Variants in PLD5 observed in about 807,000 individuals in gnomAD.
The protein encoded by PLD5 is phospholipase D family member 5.
A neutral mutation model predicts 61.1 loss-of-function variants in PLD5; 36 were observed. The ratio of observed to expected loss-of-function variants is 0.59; its 90% CI spans 0.45 to 0.78. PLD5 has a LOEUF of 0.78. Ranked by LOEUF, PLD5 falls within the 30% of genes least tolerant of loss-of-function variation. The pLI is 0.00. For synonymous variants in PLD5, 243 were observed against 242.8 expected (o/e 1.00, Z -0.01); for missense variants, 515 against 644.4 (o/e 0.80, Z 2.17).
chr1:242,306,813 C>CT (rs34920004), intron 2 of PLD5, among the ~76,000 whole-genome samples: 137,499 of 150,600 alleles, frequency 0.91, 62,681 homozygotes, highest in East Asian at 0.95. Flanking sequence ...CAAACAAACT[C>CT]TTTGTAGGTA....
chr1:242,221,108 T>A (rs1162462329), intron 4 of PLD5, among the ~76,000 whole-genome samples: 2 of 152,230 alleles, frequency 1.3e-5, no homozygotes, highest in African/African-American at 4.8e-5. Flanking sequence ...CTATTGTTAA[T>A]GCCAAAAATA....
intron 1 of PLD5, among the ~76,000 whole-genome samples, chr1:242,445,795 AT>A (rs896341851): frequency 7.3e-5 from 11 of 150,664 alleles, no homozygotes; most frequent in Non-Finnish European, 1.5e-4. Flanking sequence ...CTTGCTTCAA[AT>A]GCCAGGGTCA....
At chr1:242,296,713 AT>A (rs995225311) in intron 2 of PLD5, among the ~76,000 whole-genome samples, 16 of 149,982 alleles carry the variant, frequency 1.1e-4, no homozygotes, top group Middle Eastern at 3.5e-3. Context: ...TATGCTGATT[AT>A]TTTTTTTTTA....
chr1:242,524,354 G>T lies in PLD5; in HGVS notation c.-78C>A. ...GGGGAGCCGGGCGCGGAGGGCGAGC[G>T]GGAGGCCCAGCGGGAGCCGGAGGTG... On this transcript the variant is annotated 5_prime_UTR_variant, in exon 1 of 10. Transcript: ENST00000536534. 4 of 1,290,518 alleles carry T rather than the reference G, an allele frequency of 3.1e-6. No individual in the cohort carries two copies. Among genetic ancestry groups the T allele is most frequent in the Non-Finnish European group, 4.0e-6 (4 of 1,006,120 alleles). 79.9% of individuals were successfully genotyped at this position (1,290,518 alleles called of 1,614,324 possible). A position where few individuals can be genotyped will look rare whatever the true frequency, so the allele number is the denominator to read the frequency against.
rs1158650607 is a variant in PLD5, at chr1:242,091,809, T to TTTTTC, written c.1355-1704_1355-1700dup. On this transcript the variant is annotated intron_variant, in intron 9 of 9. Transcript: ENST00000536534. ...CTGTAGCTGAGTAGCTTTATTCTTC[T>TTTTTC]TTTTCTTTTCTTTTCTTTTTTTCTT... is the stretch of plus-strand genomic sequence containing the variant. Among the ~76,000 whole-genome samples the TTTTTC allele has an allele frequency of 1.1e-4, 17 of 148,082 alleles. No homozygotes were observed. In the East Asian group the frequency reaches 2.9e-3, roughly 26 times the overall value.
intron 9 of PLD5, among the ~76,000 whole-genome samples, chr1:242,092,502 G>A (rs969618952): frequency 4.6e-5 from 7 of 152,068 alleles, no homozygotes; most frequent in East Asian, 3.9e-4. Context: ...AATTATCTTC[G>A]AAATTACCAC....
intron 1 of PLD5, among the ~76,000 whole-genome samples, chr1:242,507,229 C>G (rs1050515893): frequency 6.6e-6 from 1 of 152,130 alleles, no homozygotes; most frequent in African/African-American, 2.4e-5. Context: ...AACAGCAGGC[C>G]TTTGGCATTT....
intron 3 of PLD5, among the ~76,000 whole-genome samples, chr1:242,287,558 A>G (rs1558432126): frequency 6.6e-6 from 1 of 152,136 alleles, no homozygotes; most frequent in Non-Finnish European, 1.5e-5. Flanking sequence ...CAAAGTACCA[A>G]TGAGATCATG....
At chr1:242,107,595 C>T (rs959539629) in intron 8 of PLD5, 76 bp downstream of exon 8, 26 of 1,342,898 alleles carry the variant, frequency 1.9e-5, no homozygotes, top group South Asian at 4.7e-5. Flanking sequence ...TACACATAGG[C>T]GTATGCTTGC....
rs1461875319 is a variant in PLD5, at chr1:242,464,657, G to C, written c.189+59431C>G. 2.0e-5 allele frequency among the ~76,000 whole-genome samples: 3 copies of C among 152,032 alleles called. 1 individual carries two copies. Among genetic ancestry groups the C allele is most frequent in the African/African-American group, 7.2e-5 (3 of 41,390 alleles). ...AAGTAATCCAGCAATTCCAACTCTAGGTATATACCCCAAAGAACTGAAAAC... is the reference window on the plus strand; with the variant it reads ...AAGTAATCCAGCAATTCCAACTCTACGTATATACCCCAAAGAACTGAAAAC... On this transcript the variant is annotated intron_variant, in intron 1 of 9. Coordinates refer to ENST00000536534, the MANE Select transcript of PLD5 (RefSeq NM_001372062.1).
At chr1:242,417,866 T>C (rs2149295158) in intron 1 of PLD5, among the ~76,000 whole-genome samples, 1 of 152,262 alleles carries the variant, frequency 6.6e-6, no homozygotes, top group African/African-American at 2.4e-5. Flanking sequence ...AGTAAGAGGC[T>C]CCTGCAGGAC....
intron 1 of PLD5, among the ~76,000 whole-genome samples, chr1:242,469,062 C>T (rs912362428): frequency 5.3e-5 from 8 of 152,204 alleles, no homozygotes; most frequent in African/African-American, 1.4e-4. Flanking sequence ...TAGCTGCAAA[C>T]TGCTTAAGAG....
At chr1:242,189,811 T>C (rs1668134297) in intron 5 of PLD5, among the ~76,000 whole-genome samples, 1 of 152,122 alleles carries the variant, frequency 6.6e-6, no homozygotes, top group African/African-American at 2.4e-5. Flanking sequence ...AGAAGAACTA[T>C]GCCAGCAGGA....
Position 242,375,247 on chromosome 1 carries a change from C to T in PLD5, c.190-27005G>A, listed in dbSNP as rs564058217. ...AATGGTGCTATTCTGGCAGCTATAC[C>T]TTGGATGCCACTGTGCAGTCAGTCA... On this transcript the variant is annotated intron_variant, in intron 1 of 9. Coordinates refer to ENST00000536534, the MANE Select transcript of PLD5 (RefSeq NM_001372062.1). 3.9e-5 allele frequency among the ~76,000 whole-genome samples: 6 copies of T among 152,290 alleles called. No individual in the cohort carries two copies. The South Asian group carries it at 1.2e-3, about 32-fold the overall frequency.
At chr1:242,166,582 T>G (rs1666321811) in intron 5 of PLD5, among the ~76,000 whole-genome samples, 1 of 152,242 alleles carries the variant, frequency 6.6e-6, no homozygotes, top group African/African-American at 2.4e-5. Context: ...CCAAGATTAT[T>G]AAAAGTGAAT....
chr1:242,522,645 T>A (rs1349006898), intron 1 of PLD5, among the ~76,000 whole-genome samples: 1 of 152,184 alleles, frequency 6.6e-6, no homozygotes, highest in Non-Finnish European at 1.5e-5. Context: ...AGCCACATCA[T>A]TGGTTGATTA....
At chr1:242,348,007 GACT>G in intron 2 of PLD5, 96 bp downstream of exon 2, 1 of 1,448,208 alleles carries the variant, frequency 6.9e-7, no homozygotes, top group Non-Finnish European at 9.4e-7. Flanking sequence ...GAGCCTGGAT[GACT>G]ACGTGTGTTT....
chr1:242,334,361 T>A (rs1006290547), intron 2 of PLD5, among the ~76,000 whole-genome samples: 13 of 152,172 alleles, frequency 8.5e-5, no homozygotes, highest in Non-Finnish European at 1.8e-4. Flanking sequence ...TAAAGGTGGG[T>A]ATGCATCAAC....
rs150194800 is a variant in PLD5, at chr1:242,274,275, G to T, written c.496-8827C>A. ...AAAATGTGTTAAAAATTGGCTAGGT[G>T]CAGTGCTTACGCCTATAATCCCAGT... On this transcript the variant is annotated intron_variant, in intron 3 of 9. Transcript: ENST00000536534. 8.8e-3 allele frequency among the ~76,000 whole-genome samples: 1,341 copies of T among 152,368 alleles called. 7 individuals carry two copies. Among genetic ancestry groups the T allele is most frequent in the Non-Finnish European group, 0.014 (980 of 68,040 alleles).
Sources: gnomAD v4.1 joint callset for allele counts (sites outside exome capture counted in the v4.1 genomes callset) on GRCh38, gnomAD v4.1.1 for gene constraint, MANE v1.5 for transcripts, NCBI Gene and HGNC (gene_info 2026-07-23, HGNC 2026-07-21) for gene names.